Variants in PARD3 observed in about 807,000 individuals in gnomAD.
The protein encoded by PARD3 is par-3 family cell polarity regulator.
Under a neutral mutation model 155.4 loss-of-function variants are expected in PARD3, and 75 were observed. The ratio of observed to expected loss-of-function variants is 0.48; its 90% CI spans 0.40 to 0.58. PARD3 has a LOEUF of 0.58. Among genes scored for constraint, PARD3 ranks in the 20% least tolerant of loss-of-function variants. The probability of loss-of-function intolerance (pLI) is 0.00; values close to 1 mark genes in which losing one functional copy is unlikely to be tolerated. For missense variants in PARD3, 1,642 were observed against 1,721.7 expected (o/e 0.95, Z 0.82); for synonymous variants, 576 against 610.5 (o/e 0.94, Z 0.83).
intron 2 of PARD3, among the ~76,000 whole-genome samples, chr10:34,596,395 G>A (rs1036740548): frequency 6.6e-6 from 1 of 152,142 alleles, no homozygotes; most frequent in Non-Finnish European, 1.5e-5. Flanking sequence ...AAAGAAAAGA[G>A]GTTTAATCGA....
At chr10:34,798,705 C>CAA (rs55803946) in intron 1 of PARD3, among the ~76,000 whole-genome samples, 2 of 114,744 alleles carry the variant, frequency 1.7e-5, no homozygotes, top group Non-Finnish European at 1.8e-5. Context: ...ACTCTGTCTC[C>CAA]AAAAAAAAAA....
chr10:34,331,403 A>T (rs544648492), intron 18 of PARD3, 59 bp from the exon 19 acceptor site: 1 of 1,097,636 alleles, frequency 9.1e-7, no homozygotes, highest in South Asian at 1.3e-5. Flanking sequence ...ATGTACCTGA[A>T]TATGCACTGT....
At chr10:34,446,475 G>C (rs534972685) in intron 5 of PARD3, among the ~76,000 whole-genome samples, 3 of 152,030 alleles carry the variant, frequency 2.0e-5, no homozygotes, top group Non-Finnish European at 4.4e-5. Context: ...TGAGTAAACT[G>C]ATGTATGGAC....
chr10:34,667,017 A>T (rs1239817330), intron 2 of PARD3, among the ~76,000 whole-genome samples: 1 of 151,786 alleles, frequency 6.6e-6, no homozygotes, highest in Non-Finnish European at 1.5e-5. Context: ...AGAAATACAA[A>T]AATTAGCCGA....
intron 20 of PARD3, among the ~76,000 whole-genome samples, chr10:34,307,711 G>A (rs1957484441): frequency 6.6e-6 from 1 of 152,192 alleles, no homozygotes; most frequent in Non-Finnish European, 1.5e-5. Context: ...AGAGGCCTCA[G>A]ACACAGAGGC....
At chr10:34,272,766 C>G (rs186269744) in intron 21 of PARD3, among the ~76,000 whole-genome samples, 45 of 152,078 alleles carry the variant, frequency 3.0e-4, no homozygotes, top group Middle Eastern at 3.4e-3. Flanking sequence ...ACAAACAAAC[C>G]CCTGAAACCT....
rs906986486 is a variant in PARD3 at position 34,251,984 on chromosome 10, C to T, written c.3419+17673G>A. On this transcript the variant is annotated intron_variant, in intron 22 of 24. Coordinates refer to ENST00000374788, the MANE Select transcript of PARD3 (RefSeq NM_001184785.2). ...AGACAACAGACAACACCCCCTGCCC[C>T]GCTCCAAAATGCAACTTCATTCTAG... Among the ~76,000 whole-genome samples the T allele has an allele frequency of 4.6e-5, 7 of 152,130 alleles. No homozygotes were observed. The South Asian group carries it at 1.0e-3, about 23-fold the overall frequency.
chr10:34,710,456 A>AAAC (rs1554817305), intron 1 of PARD3, among the ~76,000 whole-genome samples: 4 of 152,146 alleles, frequency 2.6e-5, no homozygotes, highest in Non-Finnish European at 4.4e-5. Flanking sequence ...GTTCCCAATA[A>AAAC]AATGACTGTC....
At chr10:34,343,578 A>C in intron 15 of PARD3, 2 of 985,330 alleles carry the variant, frequency 2.0e-6, no homozygotes, top group Non-Finnish European at 2.4e-6. Flanking sequence ...CCACTTCTTA[A>C]CATGCTTGCC....
intron 22 of PARD3, among the ~76,000 whole-genome samples, chr10:34,146,432 A>T (rs1948507920): frequency 6.6e-6 from 1 of 152,194 alleles, no homozygotes; most frequent in Non-Finnish European, 1.5e-5. Flanking sequence ...TTTATGGTTA[A>T]TTTAGGGAGT....
intron 1 of PARD3, among the ~76,000 whole-genome samples, chr10:34,725,216 G>A (rs1358104469): frequency 6.6e-6 from 1 of 151,306 alleles, no homozygotes; most frequent in Non-Finnish European, 1.5e-5. Flanking sequence ...GCAGTGGCGT[G>A]ATCTCAGCTC....
chr10:34,305,280 C>T (rs1482617003), intron 20 of PARD3, among the ~76,000 whole-genome samples: 1 of 152,198 alleles, frequency 6.6e-6, no homozygotes, highest in Admixed American at 6.5e-5. Context: ...GGGCTGGGCC[C>T]TGGTGCCTCT....
intron 2 of PARD3, among the ~76,000 whole-genome samples, chr10:34,612,448 A>G (rs2090979064): frequency 6.6e-6 from 1 of 152,208 alleles, no homozygotes; most frequent in South Asian, 2.1e-4. Context: ...TAGGAAAAAG[A>G]AAAAATAAAA....
intron 2 of PARD3, among the ~76,000 whole-genome samples, chr10:34,609,127 T>G (rs967791070): frequency 1.3e-5 from 2 of 152,216 alleles, no homozygotes; most frequent in Non-Finnish European, 2.9e-5. Context: ...AATTTTGGAC[T>G]CAAGTCAGTA....
chr10:34,500,686 G>A (rs2080633329), intron 3 of PARD3, among the ~76,000 whole-genome samples: 1 of 152,100 alleles, frequency 6.6e-6, no homozygotes, highest in Admixed American at 6.6e-5. Context: ...AGGCTGCAGT[G>A]AGCCAAGATC....
chr10:34,414,205 A>G (rs540092061), intron 5 of PARD3, among the ~76,000 whole-genome samples: 2 of 151,466 alleles, frequency 1.3e-5, no homozygotes, highest in South Asian at 2.1e-4. Context: ...TGGGTGACAG[A>G]GCAAGACCCT....
rs73256777 is a variant in PARD3, at chr10:34,344,727, T to C, written c.2219-2911A>G. The C allele has an allele frequency of 3.7e-3, 3,651 of 985,364 alleles. 110 individuals carry two copies. The African/African-American group carries it at 0.059, about 16-fold the overall frequency. 61.0% of individuals were successfully genotyped at this position (985,364 alleles called of 1,614,324 possible). A position where few individuals can be genotyped will look rare whatever the true frequency, so the allele number is the denominator to read the frequency against. On this transcript the variant is annotated intron_variant, in intron 15 of 24. Transcript: ENST00000374788. ...TCCAGGACTATTACAAAATCCATGATTGTGGAAATTCTGTCAAAAGAGATG... is the reference window on the plus strand; with the variant it reads ...TCCAGGACTATTACAAAATCCATGACTGTGGAAATTCTGTCAAAAGAGATG...
rs543639707 is a variant in PARD3, at chr10:34,226,208, A to G, written c.3419+43449T>C. Among the ~76,000 whole-genome samples the G allele has an allele frequency of 7.9e-5, 12 of 152,376 alleles. No individual in the cohort carries two copies. The Middle Eastern group carries it at 0.02, about 259-fold the overall frequency. On this transcript the variant is annotated intron_variant, in intron 22 of 24. Coordinates refer to ENST00000374788, the MANE Select transcript of PARD3 (RefSeq NM_001184785.2). ...AACATCATTAGAAAAATGCAAATTAAAATCATAAAATACCACTTCACACTC... is the reference window on the plus strand; with the variant it reads ...AACATCATTAGAAAAATGCAAATTAGAATCATAAAATACCACTTCACACTC...
At chr10:34,521,401 C>T (rs965084042) in intron 2 of PARD3, among the ~76,000 whole-genome samples, 1 of 145,282 alleles carries the variant, frequency 6.9e-6, no homozygotes, top group Non-Finnish European at 1.5e-5. Context: ...GGAACCTTCA[C>T]AAAAAACTGC....
Sources: gnomAD v4.1 joint callset for allele counts (sites outside exome capture counted in the v4.1 genomes callset) on GRCh38, gnomAD v4.1.1 for gene constraint, MANE v1.5 for transcripts, NCBI Gene and HGNC (gene_info 2026-07-23, HGNC 2026-07-21) for gene names.